ALG8: variants seen among roughly 807,000 people sequenced by gnomAD.
ALG8 encodes the protein ALG8 alpha-1,3-glucosyltransferase, also known as dolichyl pyrophosphate Glc1Man9GlcNAc2 alpha-1,3-glucosyltransferase.
ALG8 carries 48 observed loss-of-function variants against 70.2 expected under a neutral mutation model. The observed-to-expected ratio is 0.68, with a 90% CI of 0.54 to 0.87. The LOEUF is 0.87. Among genes scored for constraint, ALG8 ranks in the 40% least tolerant of loss-of-function variants. ALG8 has a pLI of 0.00. For missense variants in ALG8, 572 were observed against 608.7 expected (o/e 0.94, Z 0.64); for synonymous variants, 234 against 229.0 (o/e 1.02, Z -0.20).
At chr11:78,135,500 C>T (rs761423849) in intron 1 of ALG8, among the ~76,000 whole-genome samples, 1 of 151,716 alleles carries the variant, frequency 6.6e-6, no homozygotes, top group Non-Finnish European at 1.5e-5. Flanking sequence ...TTGCTTGAGC[C>T]TAGGAATTCC....
intron 1 of ALG8, among the ~76,000 whole-genome samples, chr11:78,130,875 T>C (rs608134): frequency 0.22 from 33,118 of 152,078 alleles, 4,456 homozygotes; most frequent in African/African-American, 0.38. Context: ...ATAATTTTTA[T>C]CTTTTCTCTT....
Position 78,101,474 on chromosome 11 carries a change from CA to C in ALG8, c.1350-280del, listed in dbSNP as rs201761652. The stretch of plus-strand genomic sequence containing the variant: ...AGAAACCCCATCTCTACTAAAAATA[CA>C]AAAATTAGCCGACCAGGGTGGCACA... On this transcript the variant is annotated intron_variant, in intron 12 of 12. Coordinates refer to ENST00000299626, the MANE Select transcript of ALG8 (RefSeq NM_024079.5). Among the ~76,000 whole-genome samples the C allele has an allele frequency of 0.013, 2,030 of 152,136 alleles. 52 individuals carry two copies. Among genetic ancestry groups the C allele is most frequent in the African/African-American group, 0.045 (1,877 of 41,524 alleles).
intron 12 of ALG8, among the ~76,000 whole-genome samples, chr11:78,101,867 A>G (rs1485898758): frequency 6.6e-6 from 1 of 152,096 alleles, no homozygotes; most frequent in East Asian, 1.9e-4. Context: ...TTTGAGATGG[A>G]GCGTTGCTCT....
rs111652232 is a variant in ALG8, at chr11:78,113,861, G to GA, written c.777+24dup. 0.061 allele frequency: 75,214 copies of GA among 1,227,266 alleles called. 1,114 individuals are homozygous for GA. The highest frequency in any genetic ancestry group is 0.24 in the African/African-American group (11,141 of 46,918). The allele number at this position is 1,227,266 out of a possible 1,614,324, so 76.0% of individuals were successfully genotyped here. On this transcript the variant is annotated intron_variant, in intron 7 of 12. Coordinates refer to ENST00000299626, the MANE Select transcript of ALG8 (RefSeq NM_024079.5). ...CACCAACAAAGAACATGTATTAATT[G>GA]AAAAAAAAAAAAAAAAAGGCTTACC... is the stretch of plus-strand genomic sequence containing the variant.
intron 2 of ALG8, 68 bp downstream of exon 2, chr11:78,127,290 A>G: frequency 7.2e-7 from 1 of 1,397,766 alleles, no homozygotes; most frequent in Non-Finnish European, 1.0e-6. Context: ...AAACATTTTT[A>G]ATATCAGTAA....
intron 2 of ALG8, among the ~76,000 whole-genome samples, chr11:78,125,461 T>A (rs1861024522): frequency 6.6e-6 from 1 of 151,246 alleles, no homozygotes; most frequent in Non-Finnish European, 1.5e-5. Flanking sequence ...TTGCAAAAAA[T>A]TTGCCTTAAA....
intron 10 of ALG8, 97 bp downstream of exon 10, chr11:78,106,710 C>A: frequency 2.0e-6 from 3 of 1,536,040 alleles, no homozygotes; most frequent in Non-Finnish European, 2.7e-6. Flanking sequence ...TTGTTTTTGC[C>A]TATCCTGGTG....
At chr11:78,132,830 TCCA>T (rs199993027) in intron 1 of ALG8, among the ~76,000 whole-genome samples, 4 of 114,784 alleles carry the variant, frequency 3.5e-5, no homozygotes, top group Non-Finnish European at 6.9e-5. Flanking sequence ...TTCTTCTTCT[TCCA>T]TTTTTTTTTT....
chr11:78,122,552 G>T (rs1036703127), intron 3 of ALG8, among the ~76,000 whole-genome samples: 1 of 152,046 alleles, frequency 6.6e-6, no homozygotes, highest in African/African-American at 2.4e-5. Flanking sequence ...ATGTTATCCA[G>T]GCTGGTCTCA....
intron 7 of ALG8, among the ~76,000 whole-genome samples, chr11:78,112,996 C>T (rs370882919): frequency 2.0e-5 from 3 of 152,154 alleles, no homozygotes; most frequent in East Asian, 1.9e-4. Flanking sequence ...ACTCTGAATA[C>T]CCGTCCATAC....
chr11:78,138,089 T>G (rs1047941658), intron 1 of ALG8, among the ~76,000 whole-genome samples: 1 of 152,170 alleles, frequency 6.6e-6, no homozygotes, highest in Non-Finnish European at 1.5e-5. Context: ...CTCATGCCTG[T>G]AATCCCAACA....
intron 1 of ALG8, among the ~76,000 whole-genome samples, chr11:78,136,686 T>C (rs941933076): frequency 5.9e-5 from 9 of 152,194 alleles, no homozygotes; most frequent in South Asian, 2.1e-4. Context: ...TTAAGGGCCA[T>C]TGGATTTTTA....
chr11:78,106,909 G>C lies in ALG8; in HGVS notation c.1076C>G (p.Pro359Arg), dbSNP rs776598783. The C allele has an allele frequency of 1.9e-6, 3 of 1,614,030 alleles. No individual in the cohort carries two copies. In the East Asian group the frequency reaches 6.7e-5, roughly 36 times the overall value. Residue 359 changes from proline to arginine, a missense_variant, in exon 10 of 13, where the codon CCC (proline) becomes CGC (arginine). Pro to Arg is a moderately radical substitution (Grantham distance 103, BLOSUM62 -2). Coordinates refer to ENST00000299626, the MANE Select transcript of ALG8 (RefSeq NM_024079.5). Reference sequence around the variant, plus strand: ...AGTTAGACATCGGAGAAAGCCTCTGGGCCCTTGGGGTTTAAACCAAAGACA... The same window carrying C: ...AGTTAGACATCGGAGAAAGCCTCTGCGCCCTTGGGGTTTAAACCAAAGACA... ...IFCLWFKPQG[P>R]RGFLRCLTLC...
Position 78,139,577 on chromosome 11 carries a change from G to C in ALG8, c.12C>G (p.Leu4=). The change falls in exon 1 of 13, where the codon CTC becomes CTG. Residue 4 remains leucine (L), a synonymous_variant. Transcript: ENST00000299626. MAA[L]TIATGTGNWF... ...AATTGCCAGTACCCGTGGCAATTGT[G>C]AGCGCCGCCATTGCTGCGGCACCGC... 6 of 1,556,418 alleles carry C rather than the reference G, an allele frequency of 3.9e-6. No individual in the cohort carries two copies. The highest frequency in any genetic ancestry group is 5.2e-6 in the Non-Finnish European group (6 of 1,149,574).
At chr11:78,130,479 C>A (rs890674961) in intron 1 of ALG8, among the ~76,000 whole-genome samples, 9 of 151,562 alleles carry the variant, frequency 5.9e-5, no homozygotes, top group African/African-American at 1.5e-4. Context: ...GATGTATTCA[C>A]TTTGCAAAAA....
At chr11:78,124,429 C>A (rs959678624) in intron 2 of ALG8, among the ~76,000 whole-genome samples, 1 of 152,116 alleles carries the variant, frequency 6.6e-6, no homozygotes, top group Non-Finnish European at 1.5e-5. Flanking sequence ...ATGGTAAAAC[C>A]CTGTCTCTAT....
At chr11:78,111,223 G>C (rs1860273594) in intron 8 of ALG8, among the ~76,000 whole-genome samples, 1 of 152,124 alleles carries the variant, frequency 6.6e-6, no homozygotes, top group African/African-American at 2.4e-5. Context: ...AGCCCCCTGA[G>C]GTACAGAGAT....
rs1179361051 is a variant in ALG8 at position 78,139,553 on chromosome 11, A to G, written c.36T>C (p.Asn12=). The change falls in exon 1 of 13, where the codon AAT becomes AAC. Residue 12 remains asparagine (N), a synonymous_variant. Coordinates refer to ENST00000299626, the MANE Select transcript of ALG8 (RefSeq NM_024079.5). ...CCCCGAGCGCCAAAGCCGAAAACCA[A>G]TTGCCAGTACCCGTGGCAATTGTGA... The part of the protein sequence containing the change: ...AALTIATGTG[N]WFSALALGVT... 14 of 1,562,110 alleles carry G rather than the reference A, an allele frequency of 9.0e-6. No homozygotes were observed. In the Admixed American group the frequency reaches 2.7e-4, roughly 30 times the overall value.
chr11:78,108,141 G>A (rs1373531203), intron 9 of ALG8, among the ~76,000 whole-genome samples: 7 of 152,092 alleles, frequency 4.6e-5, no homozygotes, highest in African/African-American at 1.4e-4. Flanking sequence ...TTAGCCGGGC[G>A]TGGTGGTGCA....
Sources: allele counts gnomAD v4.1 joint callset (sites outside exome capture counted in the v4.1 genomes callset), GRCh38; gene constraint gnomAD v4.1.1; transcripts MANE v1.5; gene names NCBI Gene and HGNC (gene_info 2026-07-23, HGNC 2026-07-21).